The following CTNNA3 variants were observed in gnomAD, a reference collection of about 807,000 sequenced individuals.
CTNNA3 encodes catenin alpha-3.
Under a neutral mutation model 95.7 loss-of-function variants are expected in CTNNA3, and 76 were observed. The ratio of observed to expected loss-of-function variants is 0.79; its 90% CI spans 0.66 to 0.96. CTNNA3 has a LOEUF of 0.96. CTNNA3 is among the 40% of genes least tolerant of loss of function. The pLI is 0.00. For missense variants in CTNNA3, 1,191 were observed against 1,089.8 expected (o/e 1.09, Z -1.31); for synonymous variants, 431 against 374.4 (o/e 1.15, Z -1.74).
At chr10:65,987,606 T>G (rs979004668) in intron 16 of CTNNA3, among the ~76,000 whole-genome samples, 4 of 151,680 alleles carry the variant, frequency 2.6e-5, no homozygotes, top group African/African-American at 9.7e-5. Context: ...TTATGGAAAA[T>G]AGGAGTTTTC....
intron 1 of CTNNA3, among the ~76,000 whole-genome samples, chr10:67,745,149 C>T (rs1049654410): frequency 2.6e-5 from 4 of 152,060 alleles, no homozygotes; most frequent in Admixed American, 2.6e-4. Context: ...CCCAGCCATC[C>T]CATTACTGGG....
intron 13 of CTNNA3, among the ~76,000 whole-genome samples, chr10:66,140,012 C>T (rs984549563): frequency 2.6e-5 from 4 of 152,180 alleles, no homozygotes; most frequent in Non-Finnish European, 4.4e-5. Flanking sequence ...CTTGTAACTG[C>T]ACGCTCCATG....
chr10:66,883,773 G>A (rs1362195618), intron 7 of CTNNA3, among the ~76,000 whole-genome samples: 1 of 152,098 alleles, frequency 6.6e-6, no homozygotes, highest in African/African-American at 2.4e-5. Context: ...AATTATTTTA[G>A]TTTAGTTAGC....
chr10:66,897,534 T>C (rs2132513171), intron 7 of CTNNA3, among the ~76,000 whole-genome samples: 1 of 152,248 alleles, frequency 6.6e-6, no homozygotes, highest in South Asian at 2.1e-4. Context: ...CAACAACAAA[T>C]TATTTTAAAA....
intron 7 of CTNNA3, among the ~76,000 whole-genome samples, chr10:66,808,188 G>C (rs1841732999): frequency 6.6e-6 from 1 of 152,070 alleles, no homozygotes; most frequent in Non-Finnish European, 1.5e-5. Flanking sequence ...AGTGTGCTGT[G>C]ACTGCTAAGA....
chr10:66,025,238 G>T, intron 15 of CTNNA3, among the ~76,000 whole-genome samples: 1 of 152,196 alleles, frequency 6.6e-6, no homozygotes, highest in East Asian at 1.9e-4. Context: ...TGAGGACAAG[G>T]TCACAGATTT....
intron 1 of CTNNA3, among the ~76,000 whole-genome samples, chr10:67,652,858 C>T (rs1233645181): frequency 6.6e-6 from 1 of 152,112 alleles, no homozygotes; most frequent in African/African-American, 2.4e-5. Flanking sequence ...GTTTTTCTTA[C>T]CTTCAGCATG....
chr10:67,528,927 G>A (rs1019164560), intron 4 of CTNNA3, among the ~76,000 whole-genome samples: 1 of 151,976 alleles, frequency 6.6e-6, no homozygotes, highest in African/African-American at 2.4e-5. Context: ...TTAAACAGGA[G>A]GAATAATCTC....
At chr10:66,061,834 A>G (rs956877018) in intron 15 of CTNNA3, among the ~76,000 whole-genome samples, 9 of 152,098 alleles carry the variant, frequency 5.9e-5, no homozygotes, top group African/African-American at 2.2e-4. Context: ...ATTCTCCACA[A>G]ACTCTCTCTC....
At position 66,669,933 on chromosome 10, in the gene CTNNA3, G is replaced by C. The variant is rs992315822; in HGVS notation, c.1282-48149C>G. On this transcript the variant is annotated intron_variant, in intron 9 of 17. Coordinates refer to ENST00000433211, the MANE Select transcript of CTNNA3 (RefSeq NM_013266.4). ...AGGCAGTGAGGGTGAGGAGAGGAAG[G>C]GGGGATAAAAACAATTGCATGAAAA... Among the ~76,000 whole-genome samples the C allele has an allele frequency of 5.9e-4, 90 of 152,170 alleles. 1 individual carries two copies. Among genetic ancestry groups the C allele is most frequent in the Non-Finnish European group, 1.1e-3 (74 of 68,002 alleles).
intron 2 of CTNNA3, among the ~76,000 whole-genome samples, chr10:67,635,480 T>C (rs555778618): frequency 6.6e-6 from 1 of 151,772 alleles, no homozygotes; most frequent in African/African-American, 2.4e-5. Context: ...CATGATCGAG[T>C]TGTCTTCATC....
intron 15 of CTNNA3, among the ~76,000 whole-genome samples, chr10:66,066,623 C>T (rs2080318700): frequency 6.6e-6 from 1 of 152,108 alleles, no homozygotes; most frequent in Non-Finnish European, 1.5e-5. Flanking sequence ...TAGAAATAGA[C>T]ATTTAAAGAG....
At chr10:67,340,910 T>A (rs1352248284) in intron 5 of CTNNA3, among the ~76,000 whole-genome samples, 1 of 152,190 alleles carries the variant, frequency 6.6e-6, no homozygotes, top group Non-Finnish European at 1.5e-5. Context: ...TTTCAACTTT[T>A]ACTACATATT....
chr10:66,728,604 AT>A (rs1480739775), intron 9 of CTNNA3, among the ~76,000 whole-genome samples: 2 of 151,294 alleles, frequency 1.3e-5, no homozygotes, highest in Non-Finnish European at 2.9e-5. Flanking sequence ...TTTTATTTTT[AT>A]TTTTGGCAGA....
chr10:67,727,584 G>T, intron 1 of CTNNA3, among the ~76,000 whole-genome samples: 1 of 121,826 alleles, frequency 8.2e-6, no homozygotes, highest in African/African-American at 3.1e-5. Context: ...CATAATATAT[G>T]ATATATATCA....
intron 7 of CTNNA3, among the ~76,000 whole-genome samples, chr10:67,108,388 T>G (rs1858762269): frequency 6.6e-6 from 1 of 152,170 alleles, no homozygotes; most frequent in Admixed American, 6.5e-5. Flanking sequence ...GGTACAAATT[T>G]TCATTCACGG....
At chr10:67,496,678 A>C (rs1482121837) in intron 5 of CTNNA3, among the ~76,000 whole-genome samples, 1 of 152,216 alleles carries the variant, frequency 6.6e-6, no homozygotes, top group Non-Finnish European at 1.5e-5. Context: ...TGCTTATAAC[A>C]TTAAATAATG....
chr10:66,328,222 A>T (rs568753287), intron 12 of CTNNA3, among the ~76,000 whole-genome samples: 1 of 152,116 alleles, frequency 6.6e-6, no homozygotes, highest in East Asian at 1.9e-4. Flanking sequence ...TTCAATCTTG[A>T]TAAGAAAGCT....
At chr10:66,129,984 C>G (rs2083010466) in intron 13 of CTNNA3, among the ~76,000 whole-genome samples, 1 of 152,162 alleles carries the variant, frequency 6.6e-6, no homozygotes, top group Admixed American at 6.5e-5. Flanking sequence ...CACCACACCA[C>G]CATTGTCCTA....
Sources: allele counts gnomAD v4.1 joint callset (sites outside exome capture counted in the v4.1 genomes callset), GRCh38; gene constraint gnomAD v4.1.1; transcripts MANE v1.5; gene names NCBI Gene and HGNC (gene_info 2026-07-23, HGNC 2026-07-21).